INTU: variants seen among roughly 807,000 people sequenced by gnomAD.
INTU encodes inturned planar cell polarity protein.
Under a neutral mutation model 100.5 loss-of-function variants are expected in INTU, and 68 were observed. The observed-to-expected ratio is 0.68, with a 90% CI of 0.56 to 0.83. The LOEUF is 0.83. Ranked by LOEUF, INTU falls within the 40% of genes least tolerant of loss-of-function variation. The probability of loss-of-function intolerance (pLI) is 0.00; values close to 1 mark genes in which losing one functional copy is unlikely to be tolerated. For synonymous variants in INTU, 357 were observed against 395.7 expected, an observed-to-expected ratio of 0.90 and a Z score of 1.16; for missense variants, 1,071 against 1,114.7, an observed-to-expected ratio of 0.96 and a Z score of 0.56.
rs575892069 is a variant in INTU at position 127,717,250 on chromosome 4, G to C, written c.*814G>C. On this transcript the variant is annotated 3_prime_UTR_variant, in exon 16 of 16. Transcript: ENST00000335251. ...GAGAACCTACAGTGTTTGGTTTTCT[G>C]TTCCTGCATTAGTTTGCTGAGGATA... 7 of 152,118 alleles carry C rather than the reference G, an allele frequency of 4.6e-5. No individual in the cohort carries two copies. The highest frequency in any genetic ancestry group is 1.0e-4 in the Non-Finnish European group (7 of 68,026). 9.4% of individuals were successfully genotyped at this position (152,118 alleles called of 1,614,324 possible).
At chr4:127,690,785 A>G (rs2126236033) in intron 8 of INTU, among the ~76,000 whole-genome samples, 1 of 152,196 alleles carries the variant, frequency 6.6e-6, no homozygotes, top group Non-Finnish European at 1.5e-5. Flanking sequence ...TAGCCTCTCC[A>G]TTATCAACAT....
chr4:127,726,098 T>C lies in INTU; in HGVS notation c.*9662T>C, dbSNP rs537235983. 1 of 152,182 alleles carries C rather than the reference T, an allele frequency of 6.6e-6. No homozygotes were observed. The highest frequency in any genetic ancestry group is 2.1e-4 in the South Asian group (1 of 4,834). 9.4% of individuals were successfully genotyped at this position (152,182 alleles called of 1,614,324 possible). A position where few individuals can be genotyped will look rare whatever the true frequency, so the allele number is the denominator to read the frequency against. ...ATTTTTTAAAATATCAAATACTGTC[T>C]CATTATCATATGTTTAGCCCCCCCA... is the stretch of plus-strand genomic sequence containing the variant. On this transcript the variant is annotated 3_prime_UTR_variant, in exon 16 of 16. Coordinates refer to ENST00000335251, the MANE Select transcript of INTU (RefSeq NM_015693.4).
chr4:127,650,053 T>C (rs1437562129), intron 2 of INTU, among the ~76,000 whole-genome samples: 1 of 152,144 alleles, frequency 6.6e-6, no homozygotes, highest in South Asian at 2.1e-4. Context: ...AAAGGAAATT[T>C]TTACCAAACA....
chr4:127,706,278 A>G (rs907437489), intron 11 of INTU, among the ~76,000 whole-genome samples: 1 of 152,230 alleles, frequency 6.6e-6, no homozygotes, highest in Non-Finnish European at 1.5e-5. Flanking sequence ...TGGTATATCA[A>G]GATAAGGCAA....
chr4:127,653,236 AT>A (rs1727991051), intron 2 of INTU, among the ~76,000 whole-genome samples: 2 of 121,204 alleles, frequency 1.7e-5, no homozygotes, highest in Admixed American at 1.7e-4. Context: ...TTCTGCTCTG[AT>A]TTTAGTTATT....
At chr4:127,712,085 T>C (rs1047121033) in intron 14 of INTU, among the ~76,000 whole-genome samples, 3 of 152,226 alleles carry the variant, frequency 2.0e-5, no homozygotes, top group Non-Finnish European at 4.4e-5. Context: ...GTAATGTATA[T>C]AGCAATACAT....
At chr4:127,648,329 G>A (rs1727682295) in intron 2 of INTU, among the ~76,000 whole-genome samples, 1 of 152,132 alleles carries the variant, frequency 6.6e-6, no homozygotes, top group Admixed American at 6.6e-5. Flanking sequence ...ACAAATGTCT[G>A]GGAGAATGAG....
chr4:127,633,176 T>G lies in INTU; in HGVS notation c.142T>G (p.Tyr48Asp). 6.2e-7 allele frequency: 1 copy of G among 1,613,362 alleles called. No homozygotes were observed. Among genetic ancestry groups the G allele is most frequent in the Non-Finnish European group, 8.5e-7 (1 of 1,179,394 alleles). The change falls in exon 1 of 16, where the codon TAT becomes GAT. Residue 48 changes from tyrosine (Y) to aspartate (D), a missense_variant. Coordinates refer to ENST00000335251, the MANE Select transcript of INTU (RefSeq NM_015693.4). Reference sequence around the variant, plus strand: ...TTCATATTCCTCAGCGAGTAGCGATTATGAGTAAGGTTTTCAAAGAGGGAC... The same window carrying G: ...TTCATATTCCTCAGCGAGTAGCGATGATGAGTAAGGTTTTCAAAGAGGGAC... ...SGSYSSASSD[Y>D]DDLEPEWLDS...
At chr4:127,639,169 A>T (rs1282855877) in intron 1 of INTU, among the ~76,000 whole-genome samples, 2 of 152,106 alleles carry the variant, frequency 1.3e-5, no homozygotes, top group African/African-American at 4.8e-5. Flanking sequence ...TTTGGCTTTC[A>T]CCACTCTTCC....
intron 2 of INTU, among the ~76,000 whole-genome samples, chr4:127,655,980 G>A (rs1352270672): frequency 3.9e-5 from 6 of 152,298 alleles, no homozygotes; most frequent in East Asian, 1.9e-4. Flanking sequence ...GGAGTGACCC[G>A]ATTTTCCAGG....
At chr4:127,708,752 C>T in intron 13 of INTU, 84 bp downstream of exon 13, 2 of 658,914 alleles carry the variant, frequency 3.0e-6, no homozygotes, top group East Asian at 5.6e-5. Context: ...GTATTTTACT[C>T]AACAAATGTA....
chr4:127,664,123 T>A (rs948009395), intron 4 of INTU, among the ~76,000 whole-genome samples: 2 of 152,110 alleles, frequency 1.3e-5, no homozygotes, highest in Admixed American at 6.6e-5. Context: ...CTTCCATAGG[T>A]TGTAAATAGT....
At chr4:127,695,001 T>G (rs1428902257) in intron 8 of INTU, among the ~76,000 whole-genome samples, 1 of 152,224 alleles carries the variant, frequency 6.6e-6, no homozygotes, top group African/African-American at 2.4e-5. Context: ...CTTTTGCTTC[T>G]CCATATAAAC....
chr4:127,642,829 A>C (rs925733047), intron 1 of INTU, among the ~76,000 whole-genome samples: 4 of 151,480 alleles, frequency 2.6e-5, no homozygotes, highest in African/African-American at 9.7e-5. Context: ...TATAATCACG[A>C]TGAATTATGT....
At chr4:127,667,234 TTTCTG>T (rs760995003) in intron 4 of INTU, among the ~76,000 whole-genome samples, 2 of 151,696 alleles carry the variant, frequency 1.3e-5, no homozygotes, top group Non-Finnish European at 2.9e-5. Flanking sequence ...AAAGAACAGG[TTTCTG>T]TCTGTTGCCA....
intron 1 of INTU, among the ~76,000 whole-genome samples, chr4:127,634,156 G>A (rs891950056): frequency 1.3e-5 from 2 of 152,038 alleles, no homozygotes; most frequent in African/African-American, 4.8e-5. Flanking sequence ...AAGTATGGTG[G>A]GGAAACCTGT....
chr4:127,645,796 TCA>T (rs1408847291), intron 2 of INTU, among the ~76,000 whole-genome samples: 1 of 151,956 alleles, frequency 6.6e-6, no homozygotes, highest in African/African-American at 2.4e-5. Flanking sequence ...ACTCCTGACC[TCA>T]GGTGATCCAC....
chr4:127,692,724 G>T (rs1730207082), intron 8 of INTU, among the ~76,000 whole-genome samples: 1 of 152,076 alleles, frequency 6.6e-6, no homozygotes, highest in African/African-American at 2.4e-5. Flanking sequence ...TCACATCTTA[G>T]ATTTAAGTCT....
At chr4:127,670,053 G>A (rs1728854493) in intron 5 of INTU, among the ~76,000 whole-genome samples, 1 of 151,908 alleles carries the variant, frequency 6.6e-6, no homozygotes, top group Admixed American at 6.6e-5. Flanking sequence ...GTCAATTATA[G>A]AGTCAAATAC....
Sources: gnomAD v4.1 joint callset for allele counts (sites outside exome capture counted in the v4.1 genomes callset) on GRCh38, gnomAD v4.1.1 for gene constraint, MANE v1.5 for transcripts, NCBI Gene and HGNC (gene_info 2026-07-23, HGNC 2026-07-21) for gene names.